ANXA3: variants seen among roughly 807,000 people sequenced by gnomAD.
ANXA3 encodes the protein 35-alpha calcimedin.
A neutral mutation model predicts 48.8 loss-of-function variants in ANXA3; 46 were observed. The ratio of observed to expected loss-of-function variants is 0.94; its 90% confidence interval spans 0.74 to 1.21. The LOEUF (loss-of-function observed/expected upper bound fraction) is 1.21. Among genes scored for constraint, ANXA3 ranks in the 50% most tolerant of loss-of-function variants. ANXA3 has a pLI of 0.00. For synonymous variants in ANXA3, 128 were observed against 134.7 expected (o/e 0.95, Z 0.35); for missense variants, 383 against 378.6 (o/e 1.01, Z -0.10).
chr4:78,600,966 G>T lies in ANXA3; in HGVS notation c.731-544G>T, dbSNP rs375546736. Among the ~76,000 whole-genome samples, 23 of 151,898 alleles carry T rather than the reference G, an allele frequency of 1.5e-4. No homozygotes were observed. The East Asian group carries it at 3.9e-3, about 25-fold the overall frequency. On this transcript the variant is annotated intron_variant, in intron 10 of 12. Coordinates refer to ENST00000264908, the MANE Select transcript of ANXA3 (RefSeq NM_005139.3). ...TTTTTTAAGGCAACTGAATTTAGAT[G>T]ACAGATACTTGTTCTAATGGAGTCA...
intron 5 of ANXA3, among the ~76,000 whole-genome samples, chr4:78,584,181 C>T (rs1723127448): frequency 6.6e-6 from 1 of 152,058 alleles, no homozygotes; most frequent in Non-Finnish European, 1.5e-5. Flanking sequence ...AGTATCTTGT[C>T]TATTTATTTG....
At chr4:78,567,492 T>C (rs1722756961) in intron 2 of ANXA3, among the ~76,000 whole-genome samples, 1 of 152,234 alleles carries the variant, frequency 6.6e-6, no homozygotes, top group Admixed American at 6.5e-5. Context: ...TATTAACATG[T>C]GTATTTTGAG....
intron 6 of ANXA3, among the ~76,000 whole-genome samples, chr4:78,591,216 G>A (rs1723288507): frequency 6.6e-6 from 1 of 152,170 alleles, no homozygotes; most frequent in South Asian, 2.1e-4. Context: ...TGGCCAGAAT[G>A]GAAATTGAAA....
At chr4:78,607,283 A>G (rs938554412) in intron 12 of ANXA3, among the ~76,000 whole-genome samples, 1 of 152,210 alleles carries the variant, frequency 6.6e-6, no homozygotes, top group South Asian at 2.1e-4. Flanking sequence ...CATTTTTGCT[A>G]TTGAAGAACA....
chr4:78,556,856 G>A (rs1009458503), intron 2 of ANXA3, among the ~76,000 whole-genome samples: 1 of 152,182 alleles, frequency 6.6e-6, no homozygotes, highest in Non-Finnish European at 1.5e-5. Context: ...CTTCAAAGGC[G>A]TGGCACATTT....
intron 6 of ANXA3, among the ~76,000 whole-genome samples, chr4:78,588,079 G>T (rs771901810): frequency 1.3e-5 from 2 of 152,204 alleles, no homozygotes; most frequent in Non-Finnish European, 2.9e-5. Context: ...CTGGGCAACA[G>T]AATGAGATTC....
chr4:78,609,410 G>A (rs1723711629), intron 12 of ANXA3, among the ~76,000 whole-genome samples: 1 of 152,292 alleles, frequency 6.6e-6, no homozygotes, highest in South Asian at 2.1e-4. Context: ...TCAACCTCAC[G>A]TAGTATCTTT....
Position 78,595,884 on chromosome 4 carries a change from C to G in ANXA3, c.631C>G (p.Leu211Val), listed in dbSNP as rs890721614. ...LCLRSFPQLK[L>V]TFDEYRNISQ... ...TTTAAGGAGCTTTCCTCAATTAAAA[C>G]TAAGTACAAACTCACATTACAATCC... The change falls in exon 9 of 13, where the codon CTA becomes GTA. Residue 211 changes from leucine to valine, a missense_variant. Leu to Val is a conservative substitution (Grantham distance 32). Transcript: ENST00000264908. 1.9e-6 allele frequency: 3 copies of G among 1,587,242 alleles called. No homozygotes were observed. Among genetic ancestry groups the G allele is most frequent in the African/African-American group, 2.7e-5 (2 of 74,382 alleles).
chr4:78,586,790 T>A (rs1351826655), intron 6 of ANXA3, among the ~76,000 whole-genome samples: 1 of 152,204 alleles, frequency 6.6e-6, no homozygotes, highest in Admixed American at 6.5e-5. Context: ...GACCTAATAG[T>A]CTGCTGGCTG....
rs1388388861 is a variant in ANXA3 at position 78,591,782 on chromosome 4, A to C, written c.483+159A>C. 6.8e-4 allele frequency among the ~76,000 whole-genome samples: 103 copies of C among 152,248 alleles called. 2 individuals are homozygous for C. The highest frequency in any genetic ancestry group is 6.7e-3 in the Admixed American group (103 of 15,278). ...CATTTTCATTGCCACCAAGCAATAT[A>C]ATGTTTAACCAAGATCATAAAAGCA... On this transcript the variant is annotated intron_variant, in intron 7 of 12. Coordinates refer to ENST00000264908, the MANE Select transcript of ANXA3 (RefSeq NM_005139.3).
intron 1 of ANXA3, 122 bp from the exon 2 acceptor site, chr4:78,554,314 T>C (rs1178569618): frequency 2.8e-6 from 2 of 704,414 alleles, no homozygotes; most frequent in Non-Finnish European, 4.9e-6. Context: ...ATGCTCTTCC[T>C]GAGAAGGTTT....
In ANXA3 at chr4:78,579,191, T is replaced by A. The variant is rs186109560; in HGVS notation, c.198+70T>A. On this transcript the variant is annotated intron_variant, in intron 4 of 12. Coordinates refer to ENST00000264908, the MANE Select transcript of ANXA3 (RefSeq NM_005139.3). ...TACCATGGTCGCTCCCACATGGTTA[T>A]GCCCACAGTCTTCTGTTTCAGGCTG... 1,805 of 1,024,064 alleles carry A rather than the reference T, an allele frequency of 1.8e-3. 1 individual carries two copies. The highest frequency in any genetic ancestry group is 2.4e-3 in the Non-Finnish European group (1,566 of 664,742). The allele number at this position is 1,024,064 out of a possible 1,614,324, so 63.4% of individuals were successfully genotyped here.
At chr4:78,608,405 G>A (rs904653615) in intron 12 of ANXA3, among the ~76,000 whole-genome samples, 31 of 152,116 alleles carry the variant, frequency 2.0e-4, no homozygotes, top group African/African-American at 6.3e-4. Flanking sequence ...GAGGATGTGG[G>A]GGCCAGATCA....
At chr4:78,580,913 A>G (rs1050195460) in intron 4 of ANXA3, among the ~76,000 whole-genome samples, 1 of 152,232 alleles carries the variant, frequency 6.6e-6, no homozygotes, top group Non-Finnish European at 1.5e-5. Flanking sequence ...TTTCACATAC[A>G]GAGAAGGTGA....
At chr4:78,586,635 C>T (rs1428951789) in intron 6 of ANXA3, among the ~76,000 whole-genome samples, 1 of 152,154 alleles carries the variant, frequency 6.6e-6, no homozygotes, top group Non-Finnish European at 1.5e-5. Flanking sequence ...TTGAATTAAC[C>T]ATTGTCATCA....
chr4:78,597,508 C>T, intron 10 of ANXA3, 94 bp downstream of exon 10: 1 of 806,986 alleles, frequency 1.2e-6, no homozygotes, highest in East Asian at 2.7e-5. Context: ...CCTGACTGAT[C>T]CATTTTTTTT....
chr4:78,557,602 G>A (rs2109923653), intron 2 of ANXA3, among the ~76,000 whole-genome samples: 1 of 152,206 alleles, frequency 6.6e-6, no homozygotes, highest in Admixed American at 6.5e-5. Flanking sequence ...GCCAAAAACA[G>A]GAGGCTAACC....
intron 6 of ANXA3, among the ~76,000 whole-genome samples, chr4:78,590,299 C>CT (rs1427035619): frequency 7.2e-5 from 11 of 152,018 alleles, no homozygotes; most frequent in African/African-American, 2.7e-4. Flanking sequence ...AAATAACACA[C>CT]TTTTTTGGTG....
chr4:78,557,814 T>C (rs2109923834), intron 2 of ANXA3, among the ~76,000 whole-genome samples: 1 of 151,834 alleles, frequency 6.6e-6, no homozygotes, highest in South Asian at 2.1e-4. Flanking sequence ...AGATAGCAAT[T>C]CTCCAAAAAA....
Sources: gnomAD v4.1 joint callset for allele counts (sites outside exome capture counted in the v4.1 genomes callset) on GRCh38, gnomAD v4.1.1 for gene constraint, MANE v1.5 for transcripts, NCBI Gene and HGNC (gene_info 2026-07-23, HGNC 2026-07-21) for gene names.